The following SPAG16 variants were observed in gnomAD, a reference collection of about 807,000 sequenced individuals.
SPAG16 encodes the protein sperm-associated antigen 16 protein.
A neutral mutation model predicts 80.4 loss-of-function variants in SPAG16; 86 were observed. The ratio of observed to expected loss-of-function variants is 1.07; its 90% CI spans 0.90 to 1.28. The LOEUF (loss-of-function observed/expected upper bound fraction) is 1.28, where lower values mean the gene tolerates loss of function less well. Among genes scored for constraint, SPAG16 ranks in the 50% most tolerant of loss-of-function variants. The probability of loss-of-function intolerance (pLI) is 0.00; values close to 1 mark genes in which losing one functional copy is unlikely to be tolerated. For missense variants in SPAG16, 870 were observed against 765.3 expected, an observed-to-expected ratio of 1.14 and a Z score of -1.61; for synonymous variants, 294 against 265.9, an observed-to-expected ratio of 1.11 and a Z score of -1.03.
chr2:213,386,014 G>A (rs2067410710), intron 9 of SPAG16, among the ~76,000 whole-genome samples: 2 of 151,898 alleles, frequency 1.3e-5, no homozygotes, highest in Admixed American at 6.6e-5. Context: ...TTTATGTTTT[G>A]AGATAAAAAT....
At chr2:213,755,797 G>C (rs1238518406) in intron 10 of SPAG16, among the ~76,000 whole-genome samples, 2 of 152,218 alleles carry the variant, frequency 1.3e-5, no homozygotes, top group East Asian at 3.9e-4. Flanking sequence ...CAAGAGCACT[G>C]CATGAGATAT....
chr2:213,304,712 GCT>G (rs2062870941), intron 3 of SPAG16, among the ~76,000 whole-genome samples: 1 of 151,890 alleles, frequency 6.6e-6, no homozygotes, highest in Non-Finnish European at 1.5e-5. Context: ...GTTTCTGTGT[GCT>G]CTGTTCTGTT....
At chr2:213,736,294 A>AT (rs1004575875) in intron 10 of SPAG16, among the ~76,000 whole-genome samples, 1 of 151,408 alleles carries the variant, frequency 6.6e-6, no homozygotes, top group African/African-American at 2.4e-5. Flanking sequence ...GTAGGTTCAG[A>AT]TTTTTTTTTC....
intron 15 of SPAG16, among the ~76,000 whole-genome samples, chr2:214,210,370 A>G (rs547153757): frequency 6.6e-6 from 1 of 152,296 alleles, no homozygotes; most frequent in South Asian, 2.1e-4. Flanking sequence ...GCCTAGAAAT[A>G]AGAAAAAATA....
chr2:213,767,112 C>A (rs1391403537), intron 10 of SPAG16, among the ~76,000 whole-genome samples: 2 of 152,164 alleles, frequency 1.3e-5, no homozygotes, highest in African/African-American at 4.8e-5. Flanking sequence ...GTCATCATGT[C>A]ATTCTTCAAA....
At chr2:213,782,860 A>C (rs1455109642) in intron 10 of SPAG16, among the ~76,000 whole-genome samples, 1 of 152,182 alleles carries the variant, frequency 6.6e-6, no homozygotes, top group Non-Finnish European at 1.5e-5. Flanking sequence ...TTTCTCAAGC[A>C]AACTTTCATT....
intron 14 of SPAG16, among the ~76,000 whole-genome samples, chr2:214,146,057 T>C (rs1481199566): frequency 2.0e-5 from 3 of 152,198 alleles, no homozygotes; most frequent in Non-Finnish European, 1.5e-5. Context: ...TCCAAACCTC[T>C]TGAGTCTTGA....
At chr2:214,260,859 C>A (rs1576620601) in intron 15 of SPAG16, among the ~76,000 whole-genome samples, 1 of 151,912 alleles carries the variant, frequency 6.6e-6, no homozygotes, top group East Asian at 1.9e-4. Context: ...GTAATCCCAG[C>A]ACTTTGGGAG....
At chr2:213,643,345 ATTTTATATATATATATATAT>A (rs1483539819) in intron 10 of SPAG16, among the ~76,000 whole-genome samples, 20 of 46,156 alleles carry the variant, frequency 4.3e-4, no homozygotes, top group Admixed American at 2.7e-3. Flanking sequence ...TTGGATCTTA[ATTTTATATATATATATATAT>A]ATATATATAT....
At chr2:213,730,985 T>C (rs1946415) in intron 10 of SPAG16, among the ~76,000 whole-genome samples, 140,655 of 152,094 alleles carry the variant, frequency 0.92, 66,077 homozygotes, top group East Asian at 1. Flanking sequence ...TCTTCATTTC[T>C]ATTACATTTT....
At chr2:213,922,791 G>T (rs1484967255) in intron 11 of SPAG16, among the ~76,000 whole-genome samples, 1 of 151,872 alleles carries the variant, frequency 6.6e-6, no homozygotes, top group Non-Finnish European at 1.5e-5. Context: ...TACACTACTG[G>T]GTCTTGGTGG....
intron 10 of SPAG16, among the ~76,000 whole-genome samples, chr2:213,818,396 A>G (rs2072703550): frequency 6.6e-6 from 1 of 152,062 alleles, no homozygotes; most frequent in South Asian, 2.1e-4. Context: ...TCTCCTAAAA[A>G]TCATTTACTT....
At chr2:214,110,746 C>T (rs1046897495) in intron 14 of SPAG16, among the ~76,000 whole-genome samples, 29 of 152,206 alleles carry the variant, frequency 1.9e-4, no homozygotes, top group Admixed American at 6.5e-5. Context: ...AATTTACACT[C>T]TGACCAACAG....
chr2:213,610,161 G>T (rs1411648523), intron 10 of SPAG16, among the ~76,000 whole-genome samples: 1 of 151,838 alleles, frequency 6.6e-6, no homozygotes, highest in Non-Finnish European at 1.5e-5. Flanking sequence ...TTACTGTTAA[G>T]TATTGAGGGA....
chr2:213,621,470 G>T (rs868355943), intron 10 of SPAG16, among the ~76,000 whole-genome samples: 11 of 152,152 alleles, frequency 7.2e-5, no homozygotes, highest in African/African-American at 2.7e-4. Flanking sequence ...TCATGATGGA[G>T]TGGGAATTTT....
rs140478222 is a variant in SPAG16 at position 214,229,781 on chromosome 2, G to C, written c.1720+80515G>C. 1.2e-3 allele frequency among the ~76,000 whole-genome samples: 187 copies of C among 151,880 alleles called. 2 individuals carry two copies. The highest frequency in any genetic ancestry group is 3.9e-3 in the African/African-American group (162 of 41,488). On this transcript the variant is annotated intron_variant, in intron 15 of 15. Coordinates refer to ENST00000331683, the MANE Select transcript of SPAG16 (RefSeq NM_024532.5). ...CAATACAAACATGGGAGACAGCTTT[G>C]AATATGGTGTAGAATACATGTTAAT...
chr2:213,681,715 T>G (rs1285630824), intron 10 of SPAG16, among the ~76,000 whole-genome samples: 1 of 152,142 alleles, frequency 6.6e-6, no homozygotes, highest in African/African-American at 2.4e-5. Context: ...AGCAAGACCT[T>G]CTGAAATATG....
At chr2:214,159,672 C>G (rs1299659172) in intron 15 of SPAG16, among the ~76,000 whole-genome samples, 1 of 151,898 alleles carries the variant, frequency 6.6e-6, no homozygotes, top group African/African-American at 2.4e-5. Flanking sequence ...TATATTTTCT[C>G]ACTTGTTCTA....
rs369737697 is a variant in SPAG16 at position 213,567,231 on chromosome 2, GT to G, written c.1070+77154del. 4.3e-3 allele frequency among the ~76,000 whole-genome samples: 450 copies of G among 104,594 alleles called. 2 individuals are homozygous for G. The highest frequency in any genetic ancestry group is 8.9e-3 in the East Asian group (31 of 3,494). The allele number at this position is 104,594 out of a possible 152,430, so 68.6% of individuals were successfully genotyped here. A position where few individuals can be genotyped will look rare whatever the true frequency, so the allele number is the denominator to read the frequency against. ...TTATTAAAATTACTTGTTTGACATT[GT>G]TTTTTTTTTTTTATTATACTCTAAG... On this transcript the variant is annotated intron_variant, in intron 10 of 15. Transcript: ENST00000331683.
Sources: gnomAD v4.1 joint callset for allele counts (sites outside exome capture counted in the v4.1 genomes callset) on GRCh38, gnomAD v4.1.1 for gene constraint, MANE v1.5 for transcripts, NCBI Gene and HGNC (gene_info 2026-07-23, HGNC 2026-07-21) for gene names.